Variants in DCTN4 observed in about 807,000 individuals in gnomAD.
DCTN4 encodes the protein dynactin 4 (p62).
Under a neutral mutation model 62.7 loss-of-function variants are expected in DCTN4, and 23 were observed. That is an observed-to-expected ratio of 0.37 (90% CI 0.26 to 0.52). The LOEUF (loss-of-function observed/expected upper bound fraction) is 0.52. DCTN4 is among the 20% of genes least tolerant of loss of function. The pLI, the probability that DCTN4 is intolerant of heterozygous loss-of-function variation, is 0.92. For missense variants in DCTN4, 514 were observed against 580.4 expected, an observed-to-expected ratio of 0.89 and a Z score of 1.18; for synonymous variants, 199 against 202.1, an observed-to-expected ratio of 0.98 and a Z score of 0.13.
Position 150,758,854 on chromosome 5 carries a change from G to T in DCTN4, c.135+5C>A. ...CACATACTCGCTATAGGGCGACTCT[G>T]TTACCTCGTGAGACACACATTCCAG... is the stretch of plus-strand genomic sequence containing the variant. On this transcript the variant is annotated splice_donor_5th_base_variant and intron_variant, in intron 1 of 12. Coordinates refer to ENST00000447998, the MANE Select transcript of DCTN4 (RefSeq NM_016221.4). 1 of 1,613,818 alleles carries T rather than the reference G, an allele frequency of 6.2e-7. No homozygotes were observed. The highest frequency in any genetic ancestry group is 8.5e-7 in the Non-Finnish European group (1 of 1,179,930).
chr5:150,752,659 T>C (rs181472476), intron 3 of DCTN4, among the ~76,000 whole-genome samples: 35 of 152,308 alleles, frequency 2.3e-4, no homozygotes, highest in Non-Finnish European at 4.3e-4. Context: ...TGCATTTACA[T>C]GACTACTAGG....
chr5:150,733,480 A>G lies in DCTN4; in HGVS notation c.430-5T>C. On this transcript the variant is annotated splice_polypyrimidine_tract_variant and splice_region_variant and intron_variant, in intron 4 of 12. Coordinates refer to ENST00000447998, the MANE Select transcript of DCTN4 (RefSeq NM_016221.4). ...ATATTCAATCAATTTGTTCATCTGT[A>G]AGAAAATCACAGACTCAGTACACAA... The G allele has an allele frequency of 1.2e-6, 2 of 1,610,122 alleles. No homozygotes were observed. The highest frequency in any genetic ancestry group is 8.5e-7 in the Non-Finnish European group (1 of 1,176,826).
chr5:150,714,245 G>C (rs1759677309), intron 12 of DCTN4, among the ~76,000 whole-genome samples: 1 of 152,134 alleles, frequency 6.6e-6, no homozygotes, highest in Admixed American at 6.5e-5. Flanking sequence ...TGCTGGATCG[G>C]ATGGCTCTTT....
In DCTN4 at chr5:150,729,042, C is replaced by CCT. The variant is rs762124472; in HGVS notation, c.834+1588_834+1589insAG. Among the ~76,000 whole-genome samples, 189 of 52,150 alleles carry CCT rather than the reference C, an allele frequency of 3.6e-3. 38 individuals carry two copies. Among genetic ancestry groups the CCT allele is most frequent in the African/African-American group, 0.011 (149 of 13,136 alleles). The allele number at this position is 52,150 out of a possible 152,430, so 34.2% of individuals were successfully genotyped here. A position where few individuals can be genotyped will look rare whatever the true frequency, so the allele number is the denominator to read the frequency against. ...ACAAGTGTGTGAACCACCACACTGG[C>CCT]TTTTTTTTTTTTTTTTTTTTTTTTT... On this transcript the variant is annotated intron_variant, in intron 8 of 12. Transcript: ENST00000447998.
intron 11 of DCTN4, among the ~76,000 whole-genome samples, chr5:150,717,901 G>A: frequency 6.6e-6 from 1 of 152,190 alleles, no homozygotes; most frequent in East Asian, 1.9e-4. Context: ...ATGTCATTAA[G>A]CAGCTCTTAT....
intron 1 of DCTN4, 142 bp from the exon 2 acceptor site, chr5:150,756,629 T>C: frequency 2.7e-6 from 1 of 371,444 alleles, no homozygotes; most frequent in Non-Finnish European, 4.5e-6. Context: ...TTATTCTTCT[T>C]CAGTCACCTG....
At chr5:150,757,970 A>G (rs1431408228) in intron 1 of DCTN4, 1 of 754,042 alleles carries the variant, frequency 1.3e-6, no homozygotes, top group Non-Finnish European at 1.6e-6. Context: ...ATTTTTTAAA[A>G]AAAGTATCCA....
intron 1 of DCTN4, chr5:150,758,070 A>AGT: frequency 1.0e-6 from 1 of 984,478 alleles, no homozygotes; most frequent in Middle Eastern, 5.2e-4. Context: ...CTTTTTCTTC[A>AGT]CTAAGACTAT....
Position 150,718,274 on chromosome 5 carries a change from A to T in DCTN4, c.1071+2T>A. The T allele has an allele frequency of 1.9e-6, 3 of 1,608,720 alleles. No individual in the cohort carries two copies. Among genetic ancestry groups the T allele is most frequent in the Non-Finnish European group, 2.6e-6 (3 of 1,175,738 alleles). ...AGTCAGGCTGAGGCAAAATGCTCCT[A>T]CCTTAGCAGTGCTGTTGATATCATC... On this transcript the variant is annotated splice_donor_variant, in intron 11 of 12. Coordinates refer to ENST00000447998, the MANE Select transcript of DCTN4 (RefSeq NM_016221.4). LOFTEE classifies it high-confidence loss of function.
intron 2 of DCTN4, among the ~76,000 whole-genome samples, chr5:150,754,510 G>C (rs746556790): frequency 3.3e-5 from 5 of 152,190 alleles, no homozygotes; most frequent in Non-Finnish European, 5.9e-5. Context: ...TAAAGGTATG[G>C]GGGTATGACT....
intron 12 of DCTN4, among the ~76,000 whole-genome samples, chr5:150,711,740 G>C (rs1038109484): frequency 3.3e-5 from 5 of 152,032 alleles, no homozygotes; most frequent in Admixed American, 2.0e-4. Flanking sequence ...GGCTGGTCTC[G>C]AACACCAGGG....
chr5:150,731,376 C>T (rs755807592), intron 6 of DCTN4, 40 bp downstream of exon 6: 4 of 1,493,716 alleles, frequency 2.7e-6, no homozygotes, highest in Non-Finnish European at 1.9e-6. Context: ...CATTTTGATA[C>T]CTGCTGTTCT....
chr5:150,749,963 AGAAGAC>A (rs1752613408), intron 3 of DCTN4, among the ~76,000 whole-genome samples: 1 of 152,046 alleles, frequency 6.6e-6, no homozygotes, highest in African/African-American at 2.4e-5. Context: ...GCTAAATAAA[AGAAGAC>A]AGACAGGAAA....
chr5:150,716,917 CAA>C (rs111440383), intron 11 of DCTN4, among the ~76,000 whole-genome samples: 3 of 115,250 alleles, frequency 2.6e-5, no homozygotes, highest in African/African-American at 5.8e-5. Context: ...GATTCCGTCT[CAA>C]AAAAAAAAAA....
intron 3 of DCTN4, among the ~76,000 whole-genome samples, chr5:150,752,308 G>C (rs536500284): frequency 4.5e-4 from 69 of 152,274 alleles, no homozygotes; most frequent in Admixed American, 3.0e-3. Context: ...AAAATTAAGT[G>C]TAATCTGTTC....
At chr5:150,714,574 T>TA (rs35900349) in intron 12 of DCTN4, among the ~76,000 whole-genome samples, 1 of 151,818 alleles carries the variant, frequency 6.6e-6, no homozygotes, top group African/African-American at 2.4e-5. Flanking sequence ...GACGGAGTCT[T>TA]AACTCTATTC....
intron 5 of DCTN4, 90 bp downstream of exon 5, chr5:150,733,278 C>T: frequency 1.2e-6 from 1 of 843,808 alleles, no homozygotes; most frequent in African/African-American, 1.7e-5. Context: ...ATCCACCATT[C>T]AGGAATCTAG....
intron 1 of DCTN4, chr5:150,757,967 A>T (rs3776831): frequency 0.094 from 66,107 of 706,650 alleles, 12,007 homozygotes; most frequent in African/African-American, 0.65. Flanking sequence ...AAAATTTTTT[A>T]AAAAAAGTAT....
chr5:150,754,069 G>A (rs1345313449), intron 2 of DCTN4, among the ~76,000 whole-genome samples: 7 of 152,196 alleles, frequency 4.6e-5, no homozygotes, highest in Admixed American at 2.0e-4. Context: ...GAAAATAACC[G>A]ACTGCTGTGC....
Sources: gnomAD v4.1 joint callset for allele counts (sites outside exome capture counted in the v4.1 genomes callset) on GRCh38, gnomAD v4.1.1 for gene constraint, MANE v1.5 for transcripts, NCBI Gene and HGNC (gene_info 2026-07-23, HGNC 2026-07-21) for gene names.